The following RGS8 variants were observed in gnomAD, a reference collection of about 807,000 sequenced individuals.
The protein encoded by RGS8 is regulator of G protein signaling 8.
In RGS8, 8 loss-of-function variants were observed where a neutral mutation model predicts 21.7. That is an observed-to-expected ratio of 0.37 (90% CI 0.22 to 0.66). The LOEUF (loss-of-function observed/expected upper bound fraction) is 0.66, where lower values mean the gene tolerates loss of function less well. Ranked by LOEUF, RGS8 falls within the 30% of genes least tolerant of loss-of-function variation. RGS8 has a pLI of 0.59. For synonymous variants in RGS8, 80 were observed against 83.6 expected (o/e 0.96, Z 0.24); for missense variants, 157 against 217.9 (o/e 0.72, Z 1.76).
At chr1:182,750,333 C>A in the RGS8 span, among the ~76,000 whole-genome samples, 3 of 152,122 alleles carry the variant, frequency 2.0e-5, no homozygotes, top group Non-Finnish European at 4.4e-5. Flanking sequence ...GACCAACACC[C>A]TTTTTTGGAA....
upstream of RGS8, among the ~76,000 whole-genome samples, chr1:182,677,251 T>C (rs1664394460): frequency 6.6e-6 from 1 of 152,224 alleles, no homozygotes; most frequent in African/African-American, 2.4e-5. Flanking sequence ...AAAATGAAGA[T>C]AATAACAATA....
chr1:182,673,935 C>T (rs1029779171), upstream of RGS8, among the ~76,000 whole-genome samples: 17 of 152,210 alleles, frequency 1.1e-4, no homozygotes, highest in African/African-American at 4.1e-4. Flanking sequence ...TGCCAAACAT[C>T]GTATTTGAGT....
chr1:182,723,396 G>C, the RGS8 span, among the ~76,000 whole-genome samples: 1 of 152,106 alleles, frequency 6.6e-6, no homozygotes, highest in African/African-American at 2.4e-5. Flanking sequence ...GGCTGTTGGC[G>C]TGAGGCCTCA....
At chr1:182,735,587 G>A in the RGS8 span, among the ~76,000 whole-genome samples, 2 of 152,182 alleles carry the variant, frequency 1.3e-5, no homozygotes, top group Non-Finnish European at 2.9e-5. Flanking sequence ...CGCTATGGCA[G>A]TAACAAAGAG....
the RGS8 span, among the ~76,000 whole-genome samples, chr1:182,721,032 T>TGTATATAC: frequency 1.2e-5 from 1 of 85,126 alleles, no homozygotes; most frequent in Non-Finnish European, 2.4e-5. Context: ...TATATGTGTG[T>TGTATATAC]ATATATACAT....
the RGS8 span, among the ~76,000 whole-genome samples, chr1:182,732,267 TCTCATACACACACA>T: frequency 7.5e-6 from 1 of 132,994 alleles, no homozygotes; most frequent in African/African-American, 3.1e-5. Flanking sequence ...TCGCTCTCTC[TCTCATACACACACA>T]CACACACACA....
the RGS8 span, among the ~76,000 whole-genome samples, chr1:182,693,302 G>A: frequency 6.6e-6 from 1 of 152,090 alleles, no homozygotes; most frequent in Non-Finnish European, 1.5e-5. Flanking sequence ...TTGAAAAATG[G>A]GCAAAGGACA....
the RGS8 span, among the ~76,000 whole-genome samples, chr1:182,721,695 G>A: frequency 2.0e-5 from 3 of 152,036 alleles, no homozygotes; most frequent in African/African-American, 4.8e-5. Flanking sequence ...TGGCTTCCAG[G>A]AACACTGCTG....
chr1:182,672,902 G>A (rs1024207255), upstream of RGS8: 36 of 1,578,272 alleles, frequency 2.3e-5, 2 homozygotes, highest in African/African-American at 1.1e-4. Flanking sequence ...TTCTCCAAGC[G>A]TGGTCCCTGA....
intron 5 of RGS8, among the ~76,000 whole-genome samples, chr1:182,656,251 GA>G (rs1663271527): frequency 1.2e-4 from 19 of 152,188 alleles, no homozygotes; most frequent in Admixed American, 1.2e-3. Flanking sequence ...CTCCTCTGGT[GA>G]CAGCTGGCAG....
the RGS8 span, among the ~76,000 whole-genome samples, chr1:182,750,425 A>G: frequency 1.3e-5 from 2 of 152,154 alleles, no homozygotes; most frequent in South Asian, 2.1e-4. Flanking sequence ...TTTCTTTATA[A>G]TCAACAGGAA....
chr1:182,691,713 T>C, the RGS8 span, among the ~76,000 whole-genome samples: 2 of 143,986 alleles, frequency 1.4e-5, no homozygotes, highest in African/African-American at 2.6e-5. Flanking sequence ...GCCTACGTCA[T>C]ACTGGATGGG....
At chr1:182,674,424 C>T (rs1170156064), upstream of RGS8, among the ~76,000 whole-genome samples, 7 of 152,076 alleles carry the variant, frequency 4.6e-5, no homozygotes, top group Non-Finnish European at 8.8e-5. Flanking sequence ...AGTGTGTGGA[C>T]ATGAATAACA....
At chr1:182,740,243 C>T in the RGS8 span, among the ~76,000 whole-genome samples, 1 of 152,198 alleles carries the variant, frequency 6.6e-6, no homozygotes, top group African/African-American at 2.4e-5. Context: ...CATTGACAAG[C>T]TATTATCTTA....
the RGS8 span, among the ~76,000 whole-genome samples, chr1:182,736,809 G>A: frequency 5.6e-4 from 86 of 152,266 alleles, no homozygotes; most frequent in South Asian, 0.012. Flanking sequence ...ACTCTTTCCC[G>A]CTCTGCTCTT....
the RGS8 span, among the ~76,000 whole-genome samples, chr1:182,722,363 C>CAAAAAAAAAAA: frequency 2.5e-5 from 2 of 79,410 alleles, no homozygotes; most frequent in Admixed American, 1.5e-4. Context: ...AGCAAATTAC[C>CAAAAAAAAAAA]AAAAAAAAAA....
the RGS8 span, among the ~76,000 whole-genome samples, chr1:182,700,163 G>A: frequency 1.3e-5 from 2 of 152,084 alleles, no homozygotes; most frequent in Non-Finnish European, 2.9e-5. Context: ...GCTCCGGCGA[G>A]GGGGAGGGGG....
At chr1:182,719,324 C>G in the RGS8 span, among the ~76,000 whole-genome samples, 1 of 147,330 alleles carries the variant, frequency 6.8e-6, no homozygotes, top group Non-Finnish European at 1.5e-5. Flanking sequence ...GTATAAGTAT[C>G]CTTTACAAAT....
At chr1:182,648,335 A>G (rs1488785865) in intron 5 of RGS8, 32 bp from the exon 7 acceptor site, 1 of 1,605,210 alleles carries the variant, frequency 6.2e-7, no homozygotes, top group Non-Finnish European at 8.5e-7. Context: ...AAGAAGAGAG[A>G]TAGGAAGCAG....
Sources: gnomAD v4.1 joint callset for allele counts (sites outside exome capture counted in the v4.1 genomes callset) on GRCh38, gnomAD v4.1.1 for gene constraint, MANE v1.5 for transcripts, NCBI Gene and HGNC (gene_info 2026-07-23, HGNC 2026-07-21) for gene names.